The following ELL variants were observed in gnomAD, a reference collection of about 807,000 sequenced individuals.
ELL encodes elongation factor for RNA polymerase II.
ELL carries 18 observed loss-of-function variants against 64.0 expected under a neutral mutation model. The ratio of observed to expected loss-of-function variants is 0.28; its 90% CI spans 0.19 to 0.42. The LOEUF (loss-of-function observed/expected upper bound fraction) is 0.42, where lower values mean the gene tolerates loss of function less well. ELL is among the 10% of genes least tolerant of loss of function. The probability of loss-of-function intolerance (pLI) is 1.00; values close to 1 mark genes in which losing one functional copy is unlikely to be tolerated. For missense variants in ELL, 797 were observed against 870.4 expected (o/e 0.92, Z 1.06); for synonymous variants, 399 against 376.2 (o/e 1.06, Z -0.70).
intron 1 of ELL, among the ~76,000 whole-genome samples, chr19:18,493,315 T>C (rs1260179306): frequency 6.6e-6 from 1 of 152,176 alleles, no homozygotes; most frequent in African/African-American, 2.4e-5. Flanking sequence ...GCCCACACCT[T>C]CCAGAAAAGA....
At chr19:18,479,731 C>T (rs1049366376) in intron 1 of ELL, among the ~76,000 whole-genome samples, 1 of 118,158 alleles carries the variant, frequency 8.5e-6, no homozygotes, top group East Asian at 2.3e-4. Context: ...AAAAAAAAAT[C>T]TAGGATTGTT....
chr19:18,471,635 T>G (rs1975067094), intron 2 of ELL, among the ~76,000 whole-genome samples: 1 of 152,224 alleles, frequency 6.6e-6, no homozygotes, highest in African/African-American at 2.4e-5. Flanking sequence ...ACCACTGCAC[T>G]CCAGCCTAGA....
chr19:18,506,839 T>C (rs903340688), intron 1 of ELL, among the ~76,000 whole-genome samples: 1 of 152,202 alleles, frequency 6.6e-6, no homozygotes, highest in Non-Finnish European at 1.5e-5. Flanking sequence ...AGAGATGCTA[T>C]GATCAGAGGG....
intron 1 of ELL, among the ~76,000 whole-genome samples, chr19:18,514,371 G>A (rs996828033): frequency 1.3e-5 from 2 of 151,718 alleles, no homozygotes; most frequent in Non-Finnish European, 2.9e-5. Context: ...AAAATTAGCC[G>A]GGTGTGGTGA....
chr19:18,456,821 G>A (rs775983027), intron 6 of ELL, among the ~76,000 whole-genome samples: 7 of 152,194 alleles, frequency 4.6e-5, no homozygotes, highest in South Asian at 4.1e-4. Context: ...TCTGTCTCAC[G>A]GCCTGCACTA....
chr19:18,444,178 G>A lies in ELL; in HGVS notation c.*574C>T, dbSNP rs73523095. The stretch of plus-strand genomic sequence containing the variant: ...ACCCTGCCCAAGGAGGAGAGGCTGG[G>A]GAAAGGGGTGCCTAAACGTAGAGCC... On this transcript the variant is annotated 3_prime_UTR_variant, in exon 12 of 12. Coordinates refer to ENST00000262809, the MANE Select transcript of ELL (RefSeq NM_006532.4). 223 of 230,740 alleles carry A rather than the reference G, an allele frequency of 9.7e-4. 2 individuals carry two copies. The highest frequency in any genetic ancestry group is 4.6e-3 in the African/African-American group (209 of 45,280). 14.3% of individuals were successfully genotyped at this position (230,740 alleles called of 1,614,324 possible).
rs1445690421 is a variant in ELL at position 18,446,377 on chromosome 19, T to A, written c.1636A>T (p.Ile546Phe). 1.2e-6 allele frequency: 2 copies of A among 1,610,560 alleles called. No individual in the cohort carries two copies. Among genetic ancestry groups the A allele is most frequent in the East Asian group, 2.2e-5 (1 of 44,744 alleles). The change falls in exon 10 of 12, where the codon ATC becomes TTC. Residue 546 changes from isoleucine (I) to phenylalanine (F), a missense_variant. Ile to Phe is a conservative substitution (Grantham distance 21). Transcript: ENST00000262809. ...TCGAGCTGGGTGAACCGCCGCGTGA[T>A]GCGCTCAATGCGGGCGTGCAGGTCG... ...YRDLHARIER[I>F]TRRFTQLDAQ...
Position 18,443,816 on chromosome 19 carries a change from T to C in ELL, c.*936A>G. On this transcript the variant is annotated 3_prime_UTR_variant, in exon 12 of 12. Coordinates refer to ENST00000262809, the MANE Select transcript of ELL (RefSeq NM_006532.4). ...TGAGTGCAAACCTTGGCGGTGGCTC[T>C]GCTAAGACGACCCCAGGACCCACAA... The C allele has an allele frequency of 4.3e-6, 1 of 233,014 alleles. No homozygotes were observed. Among genetic ancestry groups the C allele is most frequent in the Non-Finnish European group, 8.5e-6 (1 of 117,916 alleles). The allele number at this position is 233,014 out of a possible 1,614,324, so 14.4% of individuals were successfully genotyped here.
rs375899033 is a variant in ELL at position 18,450,956 on chromosome 19, T to C, written c.986A>G (p.Asp329Gly). The change falls in exon 8 of 12, where the codon GAT becomes GGT. Residue 329 changes from aspartate to glycine, a missense_variant. Coordinates refer to ENST00000262809, the MANE Select transcript of ELL (RefSeq NM_006532.4). ...CTTGTTGGCTAGGGGGTCGATGAAA[T>C]CAGGAGGCTGCAGCCGCTTCTGGAG... The part of the protein sequence containing the change: ...SPPQKRLQPP[D>G]FIDPLANKKP... 6.6e-7 allele frequency: 1 copy of C among 1,525,422 alleles called. No individual in the cohort carries two copies. The highest frequency in any genetic ancestry group is 8.8e-7 in the Non-Finnish European group (1 of 1,136,512). The allele number at this position is 1,525,422 out of a possible 1,614,324, so 94.5% of individuals were successfully genotyped here.
At chr19:18,445,103 A>G in intron 11 of ELL, 121 bp downstream of exon 11, 1 of 1,408,386 alleles carries the variant, frequency 7.1e-7, no homozygotes, top group Non-Finnish European at 9.9e-7. Flanking sequence ...TTGGCCTCAG[A>G]CTCAAAGGCT....
chr19:18,514,987 C>T (rs1976099564), intron 1 of ELL, among the ~76,000 whole-genome samples: 1 of 152,214 alleles, frequency 6.6e-6, no homozygotes, highest in Non-Finnish European at 1.5e-5. Flanking sequence ...GTCGGGATGT[C>T]ACAATCCGGG....
chr19:18,453,975 ACAGAAAG>A (rs1974596593), intron 6 of ELL, among the ~76,000 whole-genome samples: 1 of 152,220 alleles, frequency 6.6e-6, no homozygotes, highest in Admixed American at 6.5e-5. Flanking sequence ...ATCAATAGAG[ACAGAAAG>A]CAGATTAGTA....
intron 1 of ELL, among the ~76,000 whole-genome samples, chr19:18,500,928 A>T (rs888788311): frequency 6.6e-6 from 1 of 152,208 alleles, no homozygotes; most frequent in African/African-American, 2.4e-5. Flanking sequence ...CAGGAAAGTG[A>T]ACACATGGCG....
chr19:18,456,032 C>G (rs916715938), intron 6 of ELL, among the ~76,000 whole-genome samples: 7 of 151,132 alleles, frequency 4.6e-5, no homozygotes, highest in Non-Finnish European at 8.8e-5. Context: ...AGGAGACGGA[C>G]GTTGCTGTGA....
chr19:18,513,515 C>G (rs1331474854), intron 1 of ELL, among the ~76,000 whole-genome samples: 1 of 152,126 alleles, frequency 6.6e-6, no homozygotes, highest in Non-Finnish European at 1.5e-5. Context: ...AAGGTGTCAA[C>G]AGAAATTACC....
At chr19:18,448,586 C>T (rs1283955251) in intron 8 of ELL, 1 of 152,326 alleles carries the variant, frequency 6.6e-6, no homozygotes, top group Non-Finnish European at 1.5e-5. Context: ...AGGCCAAGCC[C>T]ATGCTCCCGC....
intron 2 of ELL, 68 bp downstream of exon 2, chr19:18,472,767 G>A: frequency 6.4e-7 from 1 of 1,556,606 alleles, no homozygotes; most frequent in Non-Finnish European, 8.7e-7. Context: ...TACCCAGCGA[G>A]CAAGGACAGA....
rs757535876 is a variant in ELL, at chr19:18,444,760, A to T, written c.1858T>A (p.Trp620Arg). The T allele has an allele frequency of 6.2e-7, 1 of 1,603,788 alleles. No individual in the cohort carries two copies. The highest frequency in any genetic ancestry group is 1.1e-5 in the South Asian group (1 of 90,956). The change falls in exon 12 of 12, where the codon TGG becomes AGG. Residue 620 changes from tryptophan to arginine, a missense_variant. Physicochemically the swap from Trp to Arg is moderately radical, Grantham distance 101 (BLOSUM62 -3). Transcript: ENST00000262809. ...AEYDQRQLQA[W>R]P Reference sequence around the variant, plus strand: ...GCCATCGGGGAGGGCGGCTAGGGCCAAGCCTGCAGCTGCCGCTGGTCGTAC... The same window carrying T: ...GCCATCGGGGAGGGCGGCTAGGGCCTAGCCTGCAGCTGCCGCTGGTCGTAC...
intron 5 of ELL, among the ~76,000 whole-genome samples, chr19:18,460,974 G>C (rs1199356233): frequency 1.3e-5 from 2 of 152,192 alleles, no homozygotes; most frequent in African/African-American, 2.4e-5. Flanking sequence ...CCATGGGTGA[G>C]GGGGGTGGAA....
Sources: allele counts gnomAD v4.1 joint callset (sites outside exome capture counted in the v4.1 genomes callset), GRCh38; gene constraint gnomAD v4.1.1; transcripts MANE v1.5; gene names NCBI Gene and HGNC (gene_info 2026-07-23, HGNC 2026-07-21).